Variants in RIMBP2 observed in about 807,000 individuals in gnomAD.
RIMBP2 encodes RIMS binding protein 2, also known as RIMS-binding protein 2.
RIMBP2 carries 48 observed loss-of-function variants against 118.6 expected under a neutral mutation model. The observed-to-expected ratio is 0.40, with a 90% CI of 0.32 to 0.51. The LOEUF is 0.51. Among genes scored for constraint, RIMBP2 ranks in the 20% least tolerant of loss-of-function variants. RIMBP2 has a pLI of 0.41. For synonymous variants in RIMBP2, 762 were observed against 742.9 expected (o/e 1.03, Z -0.42); for missense variants, 1,551 against 1,768.3 (o/e 0.88, Z 2.20).
At chr12:130,519,326 TA>T (rs1313028338) in intron 2 of RIMBP2, among the ~76,000 whole-genome samples, 1 of 152,206 alleles carries the variant, frequency 6.6e-6, no homozygotes, top group East Asian at 1.9e-4. Context: ...GCCACAGTCA[TA>T]ATGAGCTCCG....
chr12:130,403,263 C>T (rs1460146138), intron 21 of RIMBP2, among the ~76,000 whole-genome samples: 1 of 152,186 alleles, frequency 6.6e-6, no homozygotes, highest in East Asian at 1.9e-4. Context: ...GCTCAGTGAA[C>T]ATGACCAGCA....
chr12:130,600,301 C>T (rs1289566587), intron 2 of RIMBP2, among the ~76,000 whole-genome samples: 2 of 152,196 alleles, frequency 1.3e-5, no homozygotes, highest in Non-Finnish European at 2.9e-5. Context: ...GTCAGCATGA[C>T]CATACAACAC....
At chr12:130,474,289 G>A (rs2081254657) in intron 5 of RIMBP2, among the ~76,000 whole-genome samples, 1 of 152,114 alleles carries the variant, frequency 6.6e-6, no homozygotes, top group Non-Finnish European at 1.5e-5. Context: ...CCCTCCACAG[G>A]CATTTACTGA....
Position 130,414,134 on chromosome 12 carries a change from C to A in RIMBP2, c.3411G>T (p.Gln1137His). 3 of 1,614,170 alleles carry A rather than the reference C, an allele frequency of 1.9e-6. No individual in the cohort carries two copies. The highest frequency in any genetic ancestry group is 2.5e-6 in the Non-Finnish European group (3 of 1,180,032). Reference sequence around the variant, plus strand: ...GGCAGCCATCCCGCACCTTGATGATCTGGCCTTCTTTAAAGGGAAGCTCCT... The same window carrying A: ...GGCAGCCATCCCGCACCTTGATGATATGGCCTTCTTTAAAGGGAAGCTCCT... The part of the protein sequence containing the change: ...AEEELPFKEG[Q>H]IIKVYGDKDA... The change falls in exon 18 of 23, where the codon CAG becomes CAT. Residue 1137 changes from glutamine to histidine, a missense_variant. Physicochemically the swap from Gln to His is conservative, Grantham distance 24. Transcript: ENST00000690449.
intron 12 of RIMBP2, among the ~76,000 whole-genome samples, chr12:130,437,586 C>A (rs1371422195): frequency 1.3e-5 from 2 of 152,294 alleles, no homozygotes; most frequent in Admixed American, 1.3e-4. Context: ...GATGCAGGGG[C>A]CAGAGAGGGG....
intron 11 of RIMBP2, among the ~76,000 whole-genome samples, chr12:130,440,385 C>G (rs372891110): frequency 6.6e-6 from 1 of 152,188 alleles, no homozygotes; most frequent in Non-Finnish European, 1.5e-5. Context: ...CCTTCTTCCT[C>G]CAACACAGAC....
At chr12:130,658,488 G>T (rs1030219397) in intron 1 of RIMBP2, 38 of 152,340 alleles carry the variant, frequency 2.5e-4, no homozygotes, top group African/African-American at 9.1e-4. Flanking sequence ...AAAAAAAGAA[G>T]ACGGCAGACA....
intron 2 of RIMBP2, among the ~76,000 whole-genome samples, chr12:130,535,767 A>ATATATG (rs2054011394): frequency 4.7e-5 from 3 of 63,188 alleles, no homozygotes; most frequent in Middle Eastern, 8.8e-3. Context: ...ATATATATAT[A>ATATATG]TATATATATA....
At chr12:130,685,694 C>T (rs2065007312) in intron 1 of RIMBP2, among the ~76,000 whole-genome samples, 1 of 152,116 alleles carries the variant, frequency 6.6e-6, no homozygotes, top group Non-Finnish European at 1.5e-5. Flanking sequence ...AGAGATCCCG[C>T]GACTCTTTAT....
intron 1 of RIMBP2, among the ~76,000 whole-genome samples, chr12:130,646,973 G>A (rs996091727): frequency 4.6e-5 from 7 of 152,340 alleles, no homozygotes; most frequent in South Asian, 2.1e-4. Context: ...CTTAGCCTAC[G>A]CAATTCTCAC....
intron 4 of RIMBP2, among the ~76,000 whole-genome samples, chr12:130,482,763 G>T (rs200231995): frequency 8.8e-5 from 13 of 148,544 alleles, no homozygotes; most frequent in African/African-American, 3.0e-4. Context: ...ACATGTGTCA[G>T]ATTCTGCAGG....
At chr12:130,693,604 G>C (rs1231875802) in intron 1 of RIMBP2, among the ~76,000 whole-genome samples, 1 of 152,112 alleles carries the variant, frequency 6.6e-6, no homozygotes, top group Non-Finnish European at 1.5e-5. Flanking sequence ...AAGATCACCA[G>C]GGCCTACCCC....
intron 2 of RIMBP2, among the ~76,000 whole-genome samples, chr12:130,582,037 C>T (rs1028382806): frequency 2.0e-5 from 3 of 152,058 alleles, no homozygotes; most frequent in Admixed American, 1.3e-4. Flanking sequence ...CGTGAATACC[C>T]ACGTGGCTCA....
chr12:130,446,291 G>A lies in RIMBP2; in HGVS notation c.582-1022C>T, dbSNP rs1266988074. 1.3e-5 allele frequency among the ~76,000 whole-genome samples: 2 copies of A among 152,180 alleles called. No homozygotes were observed. The highest frequency in any genetic ancestry group is 4.8e-5 in the African/African-American group (2 of 41,436). Reference sequence around the variant, plus strand: ...ATATGAAAATGATTCATGCATCAGTGGCACTGTGCAGTTTACCAACACTTT... The same window carrying A: ...ATATGAAAATGATTCATGCATCAGTAGCACTGTGCAGTTTACCAACACTTT... On this transcript the variant is annotated intron_variant, in intron 9 of 22. Coordinates refer to ENST00000690449, the MANE Select transcript of RIMBP2 (RefSeq NM_001393629.1). This position sits in a 1 kb window ranked among gnomAD's most constrained non-coding sequence, Gnocchi z 4.1.
chr12:130,549,978 G>A (rs2055579189), intron 2 of RIMBP2, among the ~76,000 whole-genome samples: 1 of 152,166 alleles, frequency 6.6e-6, no homozygotes, highest in Non-Finnish European at 1.5e-5. Flanking sequence ...CACTGAGAGT[G>A]TCCAAGTGTT....
intron 1 of RIMBP2, among the ~76,000 whole-genome samples, chr12:130,679,120 A>G (rs1386100993): frequency 6.6e-6 from 1 of 152,262 alleles, no homozygotes; most frequent in Non-Finnish European, 1.5e-5. Context: ...CAACAACCAA[A>G]AAAAAGAAGG....
rs146050617 is a variant in RIMBP2 at position 130,602,258 on chromosome 12, T to C, written c.-217+26064A>G. Among the ~76,000 whole-genome samples the C allele has an allele frequency of 2.0e-5, 3 of 152,336 alleles. No individual in the cohort carries two copies. In the East Asian group the frequency reaches 5.8e-4, roughly 29 times the overall value. ...AGAAATCCTAAGGTAGGTACCCACA[T>C]TGTTCACATTTTGCTGAAGACGACA... On this transcript the variant is annotated intron_variant, in intron 2 of 22. Transcript: ENST00000690449.
chr12:130,479,402 G>A (rs1351400327), intron 4 of RIMBP2, among the ~76,000 whole-genome samples: 3 of 152,220 alleles, frequency 2.0e-5, no homozygotes, highest in African/African-American at 7.2e-5. Flanking sequence ...ATGCTGCCCT[G>A]TGTGCCCAGC....
At chr12:130,492,403 GA>G (rs60834141) in intron 4 of RIMBP2, among the ~76,000 whole-genome samples, 150,230 of 152,112 alleles carry the variant, frequency 0.99, 74,213 homozygotes, top group East Asian at 1. Context: ...CTCAAACTGG[GA>G]AAAAAAATGG....
Sources: allele counts gnomAD v4.1 joint callset (sites outside exome capture counted in the v4.1 genomes callset), GRCh38; gene constraint gnomAD v4.1.1; non-coding constraint Gnocchi (gnomAD v3.1); transcripts MANE v1.5; gene names NCBI Gene and HGNC (gene_info 2026-07-23, HGNC 2026-07-21).